Variants in NANS observed in about 807,000 individuals in gnomAD.
NANS encodes the protein N-acetylneuraminate synthase.
NANS carries 29 observed loss-of-function variants against 33.3 expected under a neutral mutation model. The ratio of observed to expected loss-of-function variants is 0.87; its 90% confidence interval spans 0.65 to 1.19. The LOEUF (loss-of-function observed/expected upper bound fraction) is 1.19, where lower values mean the gene tolerates loss of function less well. Among genes scored for constraint, NANS ranks in the 50% most tolerant of loss-of-function variants. NANS has a pLI of 0.00. For synonymous variants in NANS, 163 were observed against 177.2 expected (o/e 0.92, Z 0.64); for missense variants, 394 against 461.1 (o/e 0.85, Z 1.33).
At chr9:98,068,992 A>G (rs1377193167) in intron 2 of NANS, among the ~76,000 whole-genome samples, 1 of 152,188 alleles carries the variant, frequency 6.6e-6, no homozygotes, top group Non-Finnish European at 1.5e-5. Flanking sequence ...GACATAATTC[A>G]TATACTGTAT....
intron 2 of NANS, among the ~76,000 whole-genome samples, chr9:98,066,755 A>G (rs1829160359): frequency 6.6e-6 from 1 of 151,926 alleles, no homozygotes; most frequent in Admixed American, 6.6e-5. Flanking sequence ...GGTTCAAGCA[A>G]TTCTCCTGCC....
chr9:98,057,903 T>G (rs1347064699), intron 1 of NANS, among the ~76,000 whole-genome samples: 1 of 26,924 alleles, frequency 3.7e-5, no homozygotes, highest in Non-Finnish European at 6.1e-5. Context: ...TCTCTTACTG[T>G]TTTTTTTTTT....
chr9:98,082,956 C>G lies in NANS; in HGVS notation c.981C>G (p.Ile327Met). 1 of 1,614,188 alleles carries G rather than the reference C, an allele frequency of 6.2e-7. No individual in the cohort carries two copies. Among genetic ancestry groups the G allele is most frequent in the Non-Finnish European group, 8.5e-7 (1 of 1,180,040 alleles). The change falls in exon 6 of 6, where the codon ATC becomes ATG. Residue 327 changes from isoleucine (I) to methionine (M), a missense_variant. Coordinates refer to ENST00000210444, the MANE Select transcript of NANS (RefSeq NM_018946.4). ...CCAAAGGCTATCCTCCTGAAGACAT[C>G]TTTAATCTAGTGGGCAAGAAGGTCC... Reference protein sequence around the residue: ...GEPKGYPPEDIFNLVGKKVLV... With the variant: ...GEPKGYPPEDMFNLVGKKVLV...
At position 98,060,763 on chromosome 9, in the gene NANS, G is replaced by A. The variant is rs1828949638; in HGVS notation, c.133-19G>A. 2 of 1,611,576 alleles carry A rather than the reference G, an allele frequency of 1.2e-6. No homozygotes were observed. The highest frequency in any genetic ancestry group is 2.7e-5 in the African/African-American group (2 of 74,960). On this transcript the variant is annotated intron_variant, in intron 1 of 5. Coordinates refer to ENST00000210444, the MANE Select transcript of NANS (RefSeq NM_018946.4). ...GAATCTACGACAGTCACTGAAAGAT[G>A]TCCTAATGTGTGTTGTAGGAGTGTG... is the stretch of plus-strand genomic sequence containing the variant.
intron 2 of NANS, among the ~76,000 whole-genome samples, chr9:98,065,483 ATTTTTT>A (rs397837187): frequency 8.5e-4 from 50 of 58,632 alleles, no homozygotes; most frequent in South Asian, 3.9e-3. Context: ...TGCCCAGCTA[ATTTTTT>A]TTTTTTTTTT....
chr9:98,062,272 CCTTGACTGA>C (rs1264987719), intron 2 of NANS, among the ~76,000 whole-genome samples: 3 of 151,428 alleles, frequency 2.0e-5, no homozygotes, highest in Non-Finnish European at 4.4e-5. Context: ...TGCTGACTAG[CCTTGACTGA>C]CTTGAGTGGG....
At chr9:98,082,643 C>T (rs1392438265) in intron 5 of NANS, among the ~76,000 whole-genome samples, 1 of 152,202 alleles carries the variant, frequency 6.6e-6, no homozygotes, top group Non-Finnish European at 1.5e-5. Flanking sequence ...TGTAAAGGCT[C>T]CTCCTCTGAG....
chr9:98,065,640 CT>C (rs751144623), intron 2 of NANS, among the ~76,000 whole-genome samples: 2,330 of 143,562 alleles, frequency 0.016, 25 homozygotes, highest in Admixed American at 0.021. Flanking sequence ...CATCCAGCTG[CT>C]TTTTTTTTTT....
intron 3 of NANS, 168 bp from the exon 4 acceptor site, chr9:98,078,025 G>C: frequency 1.1e-6 from 1 of 949,222 alleles, no homozygotes. Context: ...GTGGCCGAGG[G>C]CAGGAACCCA....
chr9:98,065,734 G>A (rs536892674), intron 2 of NANS, among the ~76,000 whole-genome samples: 93 of 151,478 alleles, frequency 6.1e-4, no homozygotes, highest in African/African-American at 2.1e-3. Context: ...GAATTCCCAC[G>A]TGTTGTGGGA....
Position 98,078,008 on chromosome 9 carries a change from C to A in NANS, c.449-185C>A, listed in dbSNP as rs111824516. On this transcript the variant is annotated intron_variant, in intron 3 of 5. Transcript: ENST00000210444. ...TGTCGGGGGGCAGAGGGGAGCCCAC[C>A]TTTCCTGTGGCCGAGGGCAGGAACC... 2.9e-3 allele frequency: 2,243 copies of A among 773,318 alleles called. 34 individuals carry two copies. The African/African-American group carries it at 0.034, about 12-fold the overall frequency. The allele number at this position is 773,318 out of a possible 1,614,324, so 47.9% of individuals were successfully genotyped here. A position where few individuals can be genotyped will look rare whatever the true frequency, so the allele number is the denominator to read the frequency against.
At chr9:98,070,618 A>C (rs1421656006) in intron 2 of NANS, among the ~76,000 whole-genome samples, 1 of 147,826 alleles carries the variant, frequency 6.8e-6, no homozygotes, top group Non-Finnish European at 1.5e-5. Context: ...ATGAGGTTTT[A>C]CCATTTGGCC....
intron 4 of NANS, 48 bp from the exon 5 acceptor site, chr9:98,080,768 A>AT (rs1829816827): frequency 1.3e-6 from 2 of 1,533,748 alleles, no homozygotes; most frequent in East Asian, 2.3e-5. Flanking sequence ...GAGAATATGC[A>AT]TAAAGCAGCA....
chr9:98,070,019 A>G (rs899196761), intron 2 of NANS, among the ~76,000 whole-genome samples: 9 of 152,354 alleles, frequency 5.9e-5, no homozygotes, highest in African/African-American at 2.2e-4. Context: ...CTGGGGGAAG[A>G]GTATATAGTA....
intron 2 of NANS, among the ~76,000 whole-genome samples, chr9:98,070,910 C>T (rs1385987225): frequency 6.6e-6 from 1 of 151,544 alleles, no homozygotes; most frequent in African/African-American, 2.4e-5. Context: ...GGCCCAGGCT[C>T]AAGCGATCCT....
At chr9:98,077,245 G>T (rs190799590) in intron 3 of NANS, among the ~76,000 whole-genome samples, 3 of 152,122 alleles carry the variant, frequency 2.0e-5, no homozygotes, top group Admixed American at 2.0e-4. Context: ...TTACAGGCAT[G>T]AGCCACTGTG....
At chr9:98,056,987 C>A in intron 1 of NANS, 47 bp downstream of exon 1, 1 of 1,514,176 alleles carries the variant, frequency 6.6e-7, no homozygotes, top group South Asian at 1.3e-5. Context: ...CCGGGAGGGG[C>A]GGGGCGGGGC....
intron 2 of NANS, among the ~76,000 whole-genome samples, chr9:98,068,983 A>G (rs1215036852): frequency 6.6e-6 from 1 of 152,218 alleles, no homozygotes; most frequent in African/African-American, 2.4e-5. Flanking sequence ...CTTTATTGGG[A>G]CATAATTCAT....
chr9:98,070,150 T>G (rs943476971), intron 2 of NANS, among the ~76,000 whole-genome samples: 2 of 152,166 alleles, frequency 1.3e-5, no homozygotes, highest in African/African-American at 4.8e-5. Context: ...GACAGAGTCT[T>G]GCTGTCACGC....
Sources: gnomAD v4.1 joint callset for allele counts (sites outside exome capture counted in the v4.1 genomes callset) on GRCh38, gnomAD v4.1.1 for gene constraint, MANE v1.5 for transcripts, NCBI Gene and HGNC (gene_info 2026-07-23, HGNC 2026-07-21) for gene names.